GJB7: variants seen among roughly 807,000 people sequenced by gnomAD.
GJB7 encodes gap junction protein beta 7, also known as gap junction beta-7 protein.
For synonymous variants in GJB7, 87 were observed against 95.2 expected (o/e 0.91, Z 0.50); for missense variants, 253 against 256.8 (o/e 0.99, Z 0.10).
At chr6:87,305,148 T>G (rs1200574307) in intron 2 of GJB7, among the ~76,000 whole-genome samples, 8 of 152,174 alleles carry the variant, frequency 5.3e-5, no homozygotes, top group Non-Finnish European at 1.2e-4. Context: ...CCACTCCTAT[T>G]CAACATAGTG....
At chr6:87,286,659 C>T (rs559492291) in intron 2 of GJB7, among the ~76,000 whole-genome samples, 14 of 152,274 alleles carry the variant, frequency 9.2e-5, no homozygotes, top group African/African-American at 2.9e-4. Flanking sequence ...TATCATTGAA[C>T]TTCGTGGGAT....
At chr6:87,316,588 G>A (rs1267690994) in intron 2 of GJB7, among the ~76,000 whole-genome samples, 1 of 152,208 alleles carries the variant, frequency 6.6e-6, no homozygotes, top group Non-Finnish European at 1.5e-5. Context: ...GCTTGTAGGG[G>A]AGCTTGGCTG....
At chr6:87,313,535 TAAAG>T (rs761462846) in intron 2 of GJB7, among the ~76,000 whole-genome samples, 18 of 152,236 alleles carry the variant, frequency 1.2e-4, no homozygotes, top group Non-Finnish European at 2.4e-4. Flanking sequence ...TCCTAATCCA[TAAAG>T]ATTTATTATT....
Position 87,299,349 on chromosome 6 carries a change from A to G in GJB7, c.-27-14410T>C, listed in dbSNP as rs185780390. 5.1e-3 allele frequency: 2,460 copies of G among 478,598 alleles called. 37 individuals are homozygous for G. The highest frequency in any genetic ancestry group is 0.033 in the African/African-American group (1,679 of 50,308). 29.6% of individuals were successfully genotyped at this position (478,598 alleles called of 1,614,324 possible). On this transcript the variant is annotated intron_variant, in intron 2 of 2. Coordinates refer to ENST00000525899, the MANE Select transcript of GJB7 (RefSeq NM_198568.3). ...AATTTGGAAGAAAGGGTGTCCTCAC[A>G]GTAAAGGATGGAAAAACACTGAATG...
intron 2 of GJB7, among the ~76,000 whole-genome samples, chr6:87,286,113 C>T (rs1008399941): frequency 6.6e-6 from 1 of 152,082 alleles, no homozygotes; most frequent in South Asian, 2.1e-4. Context: ...ACTCTTTATG[C>T]TCTCCCTAGA....
At chr6:87,296,555 A>AATT (rs1411379995) in intron 2 of GJB7, among the ~76,000 whole-genome samples, 3 of 152,232 alleles carry the variant, frequency 2.0e-5, no homozygotes, top group African/African-American at 7.2e-5. Flanking sequence ...ATCTGGCAAT[A>AATT]ATGTGAAGGT....
At chr6:87,303,581 G>A (rs976538832) in intron 2 of GJB7, among the ~76,000 whole-genome samples, 2 of 152,008 alleles carry the variant, frequency 1.3e-5, no homozygotes, top group African/African-American at 2.4e-5. Context: ...GATAATGGGA[G>A]ACTAACACCA....
chr6:87,302,571 C>T lies in GJB7; in HGVS notation c.-27-17632G>A, dbSNP rs142949722. On this transcript the variant is annotated intron_variant, in intron 2 of 2. Coordinates refer to ENST00000525899, the MANE Select transcript of GJB7 (RefSeq NM_198568.3). ...GTCTGATTGGTATACCTCAAAGTGA[C>T]GGGGAGAATGGAACCAAGTTGGAAA... Among the ~76,000 whole-genome samples the T allele has an allele frequency of 4.4e-3, 672 of 152,228 alleles. 2 individuals are homozygous for T. Among genetic ancestry groups the T allele is most frequent in the African/African-American group, 0.015 (636 of 41,532 alleles).
chr6:87,286,307 A>G (rs1391604285), intron 2 of GJB7, among the ~76,000 whole-genome samples: 1 of 152,142 alleles, frequency 6.6e-6, no homozygotes, highest in Non-Finnish European at 1.5e-5. Flanking sequence ...GAATGGCATC[A>G]CCAACACCCA....
At chr6:87,286,353 CCTCT>C (rs1490769975) in intron 2 of GJB7, among the ~76,000 whole-genome samples, 1 of 152,182 alleles carries the variant, frequency 6.6e-6, no homozygotes, top group African/African-American at 2.4e-5. Flanking sequence ...ATCCTAGACT[CCTCT>C]CTCATGACCT....
At chr6:87,317,771 G>A (rs538970208) in intron 2 of GJB7, among the ~76,000 whole-genome samples, 15 of 152,258 alleles carry the variant, frequency 9.9e-5, no homozygotes, top group African/African-American at 3.6e-4. Context: ...CAAAGATTAT[G>A]TCTTAATCAT....
At position 87,327,489 on chromosome 6, in the gene GJB7, T is replaced by G. The variant is rs532918652; in HGVS notation, c.-206+1649A>C. 9.4e-3 allele frequency among the ~76,000 whole-genome samples: 1,428 copies of G among 151,298 alleles called. 17 individuals are homozygous for G. The highest frequency in any genetic ancestry group is 0.032 in the African/African-American group (1,322 of 41,286). On this transcript the variant is annotated intron_variant, in intron 1 of 2. Transcript: ENST00000525899. ...TCTCAGCATTTGCTTGTCTGTAAAG[T>G]ATTTTATTTCTCCTTCACTTATGAA... is the stretch of plus-strand genomic sequence containing the variant.
chr6:87,317,678 G>A (rs1049389379), intron 2 of GJB7, among the ~76,000 whole-genome samples: 2 of 152,018 alleles, frequency 1.3e-5, no homozygotes, highest in African/African-American at 2.4e-5. Flanking sequence ...TGATCTGCCC[G>A]CCTCAGCCTC....
intron 2 of GJB7, among the ~76,000 whole-genome samples, chr6:87,291,395 C>T (rs1776171056): frequency 6.6e-6 from 1 of 152,192 alleles, no homozygotes; most frequent in African/African-American, 2.4e-5. Flanking sequence ...CATAGGCCAA[C>T]ACATGTGCAT....
At chr6:87,314,849 G>A (rs1776558419) in intron 2 of GJB7, among the ~76,000 whole-genome samples, 1 of 152,176 alleles carries the variant, frequency 6.6e-6, no homozygotes, top group South Asian at 2.1e-4. Context: ...GAGCTCCATG[G>A]AACTTTCCTG....
chr6:87,328,872 G>A (rs190817343), intron 1 of GJB7, among the ~76,000 whole-genome samples: 5,695 of 152,248 alleles, frequency 0.037, 367 homozygotes, highest in African/African-American at 0.13. Context: ...CTTGCAGTTT[G>A]ATCTCAGACT....
intron 2 of GJB7, among the ~76,000 whole-genome samples, chr6:87,289,982 C>T (rs1776139553): frequency 6.6e-6 from 1 of 152,178 alleles, no homozygotes; most frequent in South Asian, 2.1e-4. Context: ...AGACTGCCAG[C>T]GACACTCCCT....
In GJB7 at chr6:87,284,352, T is replaced by G; in HGVS notation, c.561A>C (p.Ser187=). Residue 187 remains serine, a synonymous_variant, in exon 3 of 3, where the codon TCA becomes TCC. Coordinates refer to ENST00000525899, the MANE Select transcript of GJB7 (RefSeq NM_198568.3). The part of the protein sequence containing the change: ...TIFILFLVIT[S]CLCIVLNFIE... ...TGAAATTCAACACAATACACAAGCA[T>G]GAGGTGATGACCAAGAAGAGGATGA... 6.2e-7 allele frequency: 1 copy of G among 1,614,060 alleles called. No individual in the cohort carries two copies.
Position 87,284,709 on chromosome 6 carries a change from G to T in GJB7, c.204C>A (p.Phe68Leu), listed in dbSNP as rs1776029705. 3 of 1,614,134 alleles carry T rather than the reference G, an allele frequency of 1.9e-6. No homozygotes were observed. The highest frequency in any genetic ancestry group is 4.5e-5 in the East Asian group (2 of 44,880). ...PGCKNVCFDD[F>L]FPISQVRLWA... ...AAAGTCTGACTTGGGAAATGGGGAA[G>T]AAGTCATCAAAACACACATTTTTGC... Residue 68 changes from phenylalanine (F) to leucine (L), a missense_variant, in exon 3 of 3, where the codon TTC (phenylalanine) becomes TTA (leucine). Coordinates refer to ENST00000525899, the MANE Select transcript of GJB7 (RefSeq NM_198568.3).
Sources: allele counts gnomAD v4.1 joint callset (sites outside exome capture counted in the v4.1 genomes callset), GRCh38; gene constraint gnomAD v4.1.1; transcripts MANE v1.5; gene names NCBI Gene and HGNC (gene_info 2026-07-23, HGNC 2026-07-21).